The following SLCO3A1 variants were observed in gnomAD, a reference collection of about 807,000 sequenced individuals.
SLCO3A1 encodes solute carrier organic anion transporter family member 3A1.
Under a neutral mutation model 63.1 loss-of-function variants are expected in SLCO3A1, and 27 were observed. The observed-to-expected ratio is 0.43, with a 90% confidence interval of 0.32 to 0.59. SLCO3A1 has a LOEUF of 0.59. Ranked by LOEUF, SLCO3A1 falls within the 20% of genes least tolerant of loss-of-function variation. SLCO3A1 has a pLI of 0.09. For missense variants in SLCO3A1, 773 were observed against 945.8 expected (o/e 0.82, Z 2.40); for synonymous variants, 473 against 409.9 (o/e 1.15, Z -1.86).
At chr15:92,159,434 G>A (rs528599031) in intron 9 of SLCO3A1, among the ~76,000 whole-genome samples, 149 of 151,402 alleles carry the variant, frequency 9.8e-4, no homozygotes, top group Middle Eastern at 3.4e-3. Flanking sequence ...GTAGTGAGCC[G>A]AGATCATGCC....
intron 9 of SLCO3A1, among the ~76,000 whole-genome samples, chr15:92,160,361 C>T (rs950480595): frequency 3.9e-5 from 6 of 152,052 alleles, no homozygotes; most frequent in African/African-American, 1.5e-4. Flanking sequence ...ATGGCAGTTC[C>T]TCCAGTTGGC....
intron 2 of SLCO3A1, among the ~76,000 whole-genome samples, chr15:92,031,761 G>A (rs2046651956): frequency 6.6e-6 from 1 of 152,062 alleles, no homozygotes; most frequent in African/African-American, 2.4e-5. Context: ...GGGTCAACAG[G>A]GCATCCATCA....
chr15:92,092,006 C>G (rs910944403), intron 2 of SLCO3A1, among the ~76,000 whole-genome samples: 9 of 152,210 alleles, frequency 5.9e-5, no homozygotes, highest in Non-Finnish European at 1.2e-4. Context: ...AAGCCACCAT[C>G]CCCAGTCACT....
chr15:92,144,602 T>TAATC (rs1336724795), intron 7 of SLCO3A1, among the ~76,000 whole-genome samples: 2 of 152,222 alleles, frequency 1.3e-5, no homozygotes, highest in African/African-American at 4.8e-5. Flanking sequence ...TTTCTCAAAA[T>TAATC]AATCAGCTCA....
chr15:92,084,575 C>A (rs2047383524), intron 2 of SLCO3A1, among the ~76,000 whole-genome samples: 1 of 152,152 alleles, frequency 6.6e-6, no homozygotes, highest in African/African-American at 2.4e-5. Context: ...GTCAGAAACA[C>A]GAATGGGTGC....
intron 1 of SLCO3A1, among the ~76,000 whole-genome samples, chr15:91,907,124 G>A (rs1431866587): frequency 6.6e-6 from 1 of 152,222 alleles, no homozygotes; most frequent in Non-Finnish European, 1.5e-5. Context: ...AGTAGCCTGA[G>A]GAAGGTGCAA....
At chr15:91,880,565 C>A (rs1193212510) in intron 1 of SLCO3A1, among the ~76,000 whole-genome samples, 1 of 152,112 alleles carries the variant, frequency 6.6e-6, no homozygotes, top group Non-Finnish European at 1.5e-5. Context: ...CTCCATCTCT[C>A]TAATGTTGTC....
chr15:91,889,497 T>A (rs1897817694), intron 1 of SLCO3A1, among the ~76,000 whole-genome samples: 1 of 152,248 alleles, frequency 6.6e-6, no homozygotes, highest in Non-Finnish European at 1.5e-5. Flanking sequence ...TGCTTGCTTG[T>A]TCTATGAATT....
Position 92,147,080 on chromosome 15 carries a change from C to G in SLCO3A1, c.1609C>G (p.Leu537Val). The G allele has an allele frequency of 1.2e-6, 2 of 1,614,170 alleles. No homozygotes were observed. Among genetic ancestry groups the G allele is most frequent in the South Asian group, 2.2e-5 (2 of 91,082 alleles). ...CPSPGCQEAF[L>V]TFLCVMCICS... ...CAGTCCTGGGTGCCAAGAGGCCTTC[C>G]TCACTTTCCTCTGTGTGATGTGTAT... The change falls in exon 8 of 10, where the codon CTC becomes GTC. Residue 537 changes from leucine to valine, a missense_variant. By Grantham distance (32) the Leu-to-Val change is conservative. Around this residue, in one of 3 missense-constraint regions of SLCO3A1, gnomAD observed 565 missense variants for 749.8 expected, o/e 0.75. Transcript: ENST00000318445.
intron 2 of SLCO3A1, among the ~76,000 whole-genome samples, chr15:91,920,317 C>T (rs1005690552): frequency 6.6e-6 from 1 of 152,166 alleles, no homozygotes; most frequent in African/African-American, 2.4e-5. Flanking sequence ...CAAGCCAGGG[C>T]ATTCCACGAG....
intron 1 of SLCO3A1, among the ~76,000 whole-genome samples, chr15:91,866,450 T>G (rs1897165837): frequency 6.6e-6 from 1 of 152,080 alleles, no homozygotes; most frequent in African/African-American, 2.4e-5. Flanking sequence ...AGTCTCAGAT[T>G]TGGCCAGGTA....
chr15:91,926,596 T>TGTGTGTGCGCGCGCGCGCGCGCGC, intron 2 of SLCO3A1, among the ~76,000 whole-genome samples: 2 of 105,254 alleles, frequency 1.9e-5, no homozygotes, highest in African/African-American at 7.3e-5. Context: ...TGTGTGTGTG[T>TGTGTGTGCGCGCGCGCGCGCGCGC]GCGCGCGCGC....
At chr15:91,902,420 C>G (rs1049696946) in intron 1 of SLCO3A1, among the ~76,000 whole-genome samples, 1 of 151,908 alleles carries the variant, frequency 6.6e-6, no homozygotes, top group Non-Finnish European at 1.5e-5. Context: ...CCCTGTCTTC[C>G]GTTTAAAATT....
At chr15:91,902,468 C>T (rs1353773476) in intron 1 of SLCO3A1, among the ~76,000 whole-genome samples, 3 of 151,852 alleles carry the variant, frequency 2.0e-5, no homozygotes, top group African/African-American at 7.3e-5. Context: ...CCCCAACCAG[C>T]ACTACTGGTT....
At chr15:91,944,063 C>G (rs187791110) in intron 2 of SLCO3A1, among the ~76,000 whole-genome samples, 15 of 152,300 alleles carry the variant, frequency 9.8e-5, no homozygotes, top group Non-Finnish European at 1.9e-4. Context: ...TAATTACTAG[C>G]AGGATGACCT....
At chr15:92,142,095 A>G (rs906158309) in intron 7 of SLCO3A1, among the ~76,000 whole-genome samples, 1 of 152,244 alleles carries the variant, frequency 6.6e-6, no homozygotes, top group African/African-American at 2.4e-5. Flanking sequence ...AAATAAATAC[A>G]GATTTGCCTA....
intron 1 of SLCO3A1, among the ~76,000 whole-genome samples, chr15:91,858,471 G>A (rs1272492532): frequency 6.6e-6 from 1 of 152,070 alleles, no homozygotes; most frequent in Non-Finnish European, 1.5e-5. Flanking sequence ...CCAGGTTTGT[G>A]TATTTATCTT....
chr15:92,057,189 C>T (rs1220704180), intron 2 of SLCO3A1, among the ~76,000 whole-genome samples: 2 of 152,148 alleles, frequency 1.3e-5, no homozygotes, highest in African/African-American at 4.8e-5. Flanking sequence ...GCCTGATTGC[C>T]ACCTGGACTG....
intron 2 of SLCO3A1, among the ~76,000 whole-genome samples, chr15:92,004,734 T>C (rs1045662733): frequency 6.6e-6 from 1 of 152,238 alleles, no homozygotes; most frequent in South Asian, 2.1e-4. Context: ...GAAGCAATAG[T>C]TGGAGCTTCT....
Sources: allele counts gnomAD v4.1 joint callset (sites outside exome capture counted in the v4.1 genomes callset), GRCh38; gene constraint gnomAD v4.1.1; regional missense constraint gnomAD v4.1.1; transcripts MANE v1.5; gene names NCBI Gene and HGNC (gene_info 2026-07-23, HGNC 2026-07-21).